THAP12: variants seen among roughly 807,000 people sequenced by gnomAD.
THAP12 encodes 52 kDa repressor of the inhibitor of the protein kinase.
THAP12 carries 20 observed loss-of-function variants against 63.0 expected under a neutral mutation model. That is an observed-to-expected ratio of 0.32 (90% CI 0.22 to 0.46). The LOEUF (loss-of-function observed/expected upper bound fraction) is 0.46. Among genes scored for constraint, THAP12 ranks in the 20% least tolerant of loss-of-function variants. The pLI is 1.00. For synonymous variants in THAP12, 264 were observed against 328.4 expected (o/e 0.80, Z 2.12); for missense variants, 568 against 908.2 (o/e 0.63, Z 4.81).
intron 3 of THAP12, 104 bp from the exon 4 acceptor site, chr11:76,355,758 T>C (rs1044070031): frequency 4.4e-6 from 4 of 908,936 alleles, no homozygotes; most frequent in Non-Finnish European, 6.4e-6. Flanking sequence ...TCTGAGTCAA[T>C]TTAATTCTTT....
chr11:76,351,042 C>T lies in THAP12; in HGVS notation c.2108G>A (p.Arg703His), dbSNP rs370706596. 1.9e-6 allele frequency: 3 copies of T among 1,611,866 alleles called. No individual in the cohort carries two copies. Among genetic ancestry groups the T allele is most frequent in the South Asian group, 2.2e-5 (2 of 90,994 alleles). ...AGTGTTCCTCAAATATGCTTTAAGACGCTTTCGTCCATTTTCATACCGCTC... is the reference window on the plus strand; with the variant it reads ...AGTGTTCCTCAAATATGCTTTAAGATGCTTTCGTCCATTTTCATACCGCTC... ...ENERYENGRK[R>H]LKAYLRNTLT... The change falls in exon 5 of 5, where the codon CGT becomes CAT. Residue 703 changes from arginine (R) to histidine (H), a missense_variant. Physicochemically the swap from Arg to His is conservative, Grantham distance 29. Transcript: ENST00000260045.
intron 1 of THAP12, among the ~76,000 whole-genome samples, chr11:76,372,052 C>A (rs1333605889): frequency 5.3e-5 from 8 of 152,066 alleles, no homozygotes; most frequent in Non-Finnish European, 2.9e-5. Context: ...ACCAGGTGAT[C>A]CACCCGCCTC....
chr11:76,366,946 T>G (rs941343094), intron 1 of THAP12, among the ~76,000 whole-genome samples: 1 of 152,158 alleles, frequency 6.6e-6, no homozygotes, highest in Non-Finnish European at 1.5e-5. Flanking sequence ...AAGCACTTAT[T>G]ATGAGCCAGA....
chr11:76,350,772 G>A lies in THAP12; in HGVS notation c.*92C>T, dbSNP rs1472838599. 15 of 1,356,318 alleles carry A rather than the reference G, an allele frequency of 1.1e-5. No homozygotes were observed. In the Admixed American group the frequency reaches 5.0e-4, roughly 45 times the overall value. 84.0% of individuals were successfully genotyped at this position (1,356,318 alleles called of 1,614,324 possible). A position where few individuals can be genotyped will look rare whatever the true frequency, so the allele number is the denominator to read the frequency against. Reference sequence around the variant, plus strand: ...TAATGTATTCAATGGAGTCCTATAGGCAAAGATATTTAGTGATTAAGTGGT... The same window carrying A: ...TAATGTATTCAATGGAGTCCTATAGACAAAGATATTTAGTGATTAAGTGGT... On this transcript the variant is annotated 3_prime_UTR_variant, in exon 5 of 5. Coordinates refer to ENST00000260045, the MANE Select transcript of THAP12 (RefSeq NM_004705.4).
At chr11:76,379,663 T>G (rs1244259279) in intron 1 of THAP12, among the ~76,000 whole-genome samples, 1 of 152,218 alleles carries the variant, frequency 6.6e-6, no homozygotes, top group Non-Finnish European at 1.5e-5. Context: ...GTGCGTCCCT[T>G]GATACTACTT....
rs529885780 is a variant in THAP12 at position 76,378,064 on chromosome 11, TTGA to T, written c.89+2681_89+2683del. 5.7e-3 allele frequency among the ~76,000 whole-genome samples: 873 copies of T among 152,362 alleles called. 8 individuals are homozygous for T. The highest frequency in any genetic ancestry group is 0.01 in the Non-Finnish European group (694 of 68,032). Reference sequence around the variant, plus strand: ...TTCTTTGATACACAAAAGTTTAATTTTGATGAAGTCCAATTAGTCTATTTTTCT... The same window carrying T: ...TTCTTTGATACACAAAAGTTTAATTTTGAAGTCCAATTAGTCTATTTTTCT... On this transcript the variant is annotated intron_variant, in intron 1 of 4. Coordinates refer to ENST00000260045, the MANE Select transcript of THAP12 (RefSeq NM_004705.4).
At chr11:76,362,130 G>A (rs907833125) in intron 2 of THAP12, among the ~76,000 whole-genome samples, 1 of 152,158 alleles carries the variant, frequency 6.6e-6, no homozygotes, top group Non-Finnish European at 1.5e-5. Flanking sequence ...TATTAAGAGG[G>A]ACAGTAATAA....
intron 1 of THAP12, chr11:76,368,628 G>A (rs910695411): frequency 6.6e-6 from 1 of 152,180 alleles, no homozygotes; most frequent in Non-Finnish European, 1.5e-5. Flanking sequence ...ATAGAGCACT[G>A]CAGATACTTA....
At chr11:76,357,090 G>A (rs1029661232) in intron 3 of THAP12, 88 of 151,512 alleles carry the variant, frequency 5.8e-4, no homozygotes, top group African/African-American at 2.1e-3. Flanking sequence ...TGAACACACA[G>A]ATTTTTGTTC....
chr11:76,369,429 C>T (rs1278164310), intron 1 of THAP12, among the ~76,000 whole-genome samples: 1 of 152,230 alleles, frequency 6.6e-6, no homozygotes, highest in African/African-American at 2.4e-5. Flanking sequence ...AATTCTAGAA[C>T]AGGCAAAACT....
chr11:76,360,949 G>A lies in THAP12; in HGVS notation c.318+7C>T. 6.4e-7 allele frequency: 1 copy of A among 1,556,680 alleles called. No homozygotes were observed. Among genetic ancestry groups the A allele is most frequent in the Non-Finnish European group, 8.9e-7 (1 of 1,129,938 alleles). ...AAGGTGGGAAAGCTGAAAGTACATA[G>A]ACATACCAGTTCTTTTATTCGTTTT... On this transcript the variant is annotated splice_region_variant and intron_variant, in intron 3 of 4. Transcript: ENST00000260045.
chr11:76,376,466 C>T (rs1330165304), intron 1 of THAP12, among the ~76,000 whole-genome samples: 2 of 152,148 alleles, frequency 1.3e-5, no homozygotes, highest in Non-Finnish European at 2.9e-5. Flanking sequence ...ACAGCCAAAG[C>T]GTCCAGAATC....
chr11:76,361,441 T>C (rs1946597287), intron 2 of THAP12: 1 of 158,680 alleles, frequency 6.3e-6, no homozygotes, highest in Non-Finnish European at 1.4e-5. Context: ...TCCATAATAA[T>C]GCATCCCTAT....
At chr11:76,357,507 C>T (rs1408138167) in intron 3 of THAP12, 1 of 151,220 alleles carries the variant, frequency 6.6e-6, no homozygotes, top group African/African-American at 2.4e-5. Context: ...TACAGGTTAG[C>T]AAATTTTAAA....
intron 1 of THAP12, among the ~76,000 whole-genome samples, chr11:76,375,446 T>C (rs538484990): frequency 6.6e-6 from 1 of 152,116 alleles, no homozygotes; most frequent in Admixed American, 6.5e-5. Flanking sequence ...GGTTGATTAT[T>C]TCACTTTTTT....
chr11:76,370,715 G>A lies in THAP12; in HGVS notation c.90-4743C>T, dbSNP rs576283076. On this transcript the variant is annotated intron_variant, in intron 1 of 4. Transcript: ENST00000260045. ...AAAATTATAAAAATTATATATGACC[G>A]GGAGGCTGAGGTAGGAGAATCACTT... 3.6e-4 allele frequency among the ~76,000 whole-genome samples: 55 copies of A among 151,212 alleles called. 1 individual carries two copies. The South Asian group carries it at 9.3e-3, about 25-fold the overall frequency.
Position 76,350,740 on chromosome 11 carries a change from C to T in THAP12, c.*124G>A. The T allele has an allele frequency of 2.4e-6, 2 of 822,206 alleles. No homozygotes were observed. The highest frequency in any genetic ancestry group is 4.0e-4 in the Middle Eastern group (1 of 2,524). The allele number at this position is 822,206 out of a possible 1,614,324, so 50.9% of individuals were successfully genotyped here. On this transcript the variant is annotated 3_prime_UTR_variant, in exon 5 of 5. Coordinates refer to ENST00000260045, the MANE Select transcript of THAP12 (RefSeq NM_004705.4). ...GGGGCCATTTAAACAGGTAGATTAT[C>T]AATGGCTAATGTATTCAATGGAGTC...
At chr11:76,353,662 T>G (rs964200380) in intron 4 of THAP12, among the ~76,000 whole-genome samples, 1 of 152,218 alleles carries the variant, frequency 6.6e-6, no homozygotes, top group African/African-American at 2.4e-5. Context: ...CAGTGGTGTC[T>G]GCAGGAAAAT....
chr11:76,378,239 C>T (rs1317209052), intron 1 of THAP12, among the ~76,000 whole-genome samples: 3 of 151,938 alleles, frequency 2.0e-5, no homozygotes, highest in East Asian at 3.9e-4. Context: ...GCCAACATGG[C>T]GAAACCCCGT....
Sources: allele counts gnomAD v4.1 joint callset (sites outside exome capture counted in the v4.1 genomes callset), GRCh38; gene constraint gnomAD v4.1.1; transcripts MANE v1.5; gene names NCBI Gene and HGNC (gene_info 2026-07-23, HGNC 2026-07-21).